The following TMEFF1 variants were observed in gnomAD, a reference collection of about 807,000 sequenced individuals.
TMEFF1 encodes the protein transmembrane protein with EGF like and two follistatin like domains 1.
A neutral mutation model predicts 47.5 loss-of-function variants in TMEFF1; 20 were observed. The ratio of observed to expected loss-of-function variants is 0.42; its 90% confidence interval spans 0.30 to 0.61. TMEFF1 has a LOEUF of 0.61. Among genes scored for constraint, TMEFF1 ranks in the 20% least tolerant of loss-of-function variants. TMEFF1 has a pLI of 0.19. For synonymous variants in TMEFF1, 162 were observed against 166.3 expected (o/e 0.97, Z 0.20); for missense variants, 411 against 471.1 (o/e 0.87, Z 1.18).
chr9:100,536,871 A>G (rs1258126590), intron 5 of TMEFF1, among the ~76,000 whole-genome samples: 1 of 152,142 alleles, frequency 6.6e-6, no homozygotes, highest in Non-Finnish European at 1.5e-5. Flanking sequence ...TAATGGATTC[A>G]TTTTTCTAGA....
intron 5 of TMEFF1, among the ~76,000 whole-genome samples, chr9:100,542,923 C>CT (rs34994276): frequency 0.034 from 3,572 of 104,482 alleles, 107 homozygotes; most frequent in South Asian, 0.05. Context: ...CTCTCTCTCT[C>CT]TTTTTTTTTT....
intron 7 of TMEFF1, among the ~76,000 whole-genome samples, chr9:100,554,009 A>T (rs986402982): frequency 1.3e-5 from 2 of 152,176 alleles, no homozygotes; most frequent in African/African-American, 4.8e-5. Flanking sequence ...AGATATGCTC[A>T]TACAGCCTAT....
intron 7 of TMEFF1, among the ~76,000 whole-genome samples, chr9:100,556,588 A>G (rs1443280717): frequency 6.6e-6 from 1 of 152,138 alleles, no homozygotes; most frequent in Non-Finnish European, 1.5e-5. Flanking sequence ...CATAAAGAAA[A>G]TCTGATGGTA....
At position 100,541,443 on chromosome 9, in the gene TMEFF1, G is replaced by C. The variant is rs534804241; in HGVS notation, c.561-6301G>C. Among the ~76,000 whole-genome samples, 152 of 134,222 alleles carry C rather than the reference G, an allele frequency of 1.1e-3. 2 individuals are homozygous for C. The South Asian group carries it at 0.012, about 11-fold the overall frequency. The allele number at this position is 134,222 out of a possible 152,430, so 88.1% of individuals were successfully genotyped here. A position where few individuals can be genotyped will look rare whatever the true frequency, so the allele number is the denominator to read the frequency against. On this transcript the variant is annotated intron_variant, in intron 5 of 9. Coordinates refer to ENST00000374879, the MANE Select transcript of TMEFF1 (RefSeq NM_003692.5). Reference sequence around the variant, plus strand: ...GGCTGGAGTGCAGTGGCGCTATCTTGGCTCACCACAACTTCTGCCTCCCAA... The same window carrying C: ...GGCTGGAGTGCAGTGGCGCTATCTTCGCTCACCACAACTTCTGCCTCCCAA...
chr9:100,542,769 T>C (rs993217551), intron 5 of TMEFF1, among the ~76,000 whole-genome samples: 2 of 152,196 alleles, frequency 1.3e-5, no homozygotes, highest in African/African-American at 2.4e-5. Context: ...TTGGGATTCA[T>C]TGGGCTTCTT....
intron 1 of TMEFF1, 140 bp from the exon 2 acceptor site, chr9:100,498,625 A>G (rs1837701366): frequency 4.7e-6 from 3 of 638,006 alleles, no homozygotes; most frequent in Non-Finnish European, 7.7e-6. Flanking sequence ...CTTTTTGTAT[A>G]GTTATGTCTT....
intron 5 of TMEFF1, among the ~76,000 whole-genome samples, chr9:100,517,166 A>G (rs1257467520): frequency 4.6e-5 from 7 of 152,124 alleles, no homozygotes; most frequent in African/African-American, 1.2e-4. Context: ...CTTTTTTAGA[A>G]CAGTAAGGCT....
intron 8 of TMEFF1, among the ~76,000 whole-genome samples, chr9:100,561,910 G>A (rs1051921962): frequency 6.6e-6 from 1 of 152,124 alleles, no homozygotes; most frequent in African/African-American, 2.4e-5. Flanking sequence ...AAAAATAAGG[G>A]GATGGGGACG....
intron 5 of TMEFF1, among the ~76,000 whole-genome samples, chr9:100,520,632 GAACATGTTT>G (rs1360068570): frequency 6.6e-6 from 1 of 152,124 alleles, no homozygotes; most frequent in African/African-American, 2.4e-5. Context: ...AGAATATACA[GAACATGTTT>G]AACATACTCT....
chr9:100,473,549 G>T lies in TMEFF1; in HGVS notation c.5G>T (p.Gly2Val), dbSNP rs1358646048. The T allele has an allele frequency of 3.3e-6, 5 of 1,518,482 alleles. No individual in the cohort carries two copies. In the South Asian group the frequency reaches 6.2e-5, roughly 19 times the overall value. The allele number at this position is 1,518,482 out of a possible 1,614,324, so 94.1% of individuals were successfully genotyped here. ...CGCCGTCCAGGGGCACCAGTCATGG[G>T]CGCCGCAGCCGCTGAGGCGCCGCTC... M[G>V]AAAAEAPLRL... Residue 2 changes from glycine (G) to valine (V), a missense_variant, in exon 1 of 10, where the codon GGC (glycine) becomes GTC (valine). Transcript: ENST00000374879. This position sits in a 1 kb window ranked among gnomAD's most constrained non-coding sequence, Gnocchi z 5.4.
Position 100,561,488 on chromosome 9 carries a change from A to G in TMEFF1, c.867A>G (p.Glu289=). The change falls in exon 8 of 10, where the codon GAA becomes GAG. Residue 289 remains glutamate (E), a synonymous_variant. Transcript: ENST00000374879. ...LNGYCIHGKC[E]FIYSTQKASC... is the part of the protein sequence containing the mutation. ...GTTACTGCATCCATGGAAAATGTGA[A>G]TTCATCTATTCTACTCAGAAGGCTT... 2 of 1,613,818 alleles carry G rather than the reference A, an allele frequency of 1.2e-6. No homozygotes were observed. The highest frequency in any genetic ancestry group is 1.7e-6 in the Non-Finnish European group (2 of 1,179,838).
At chr9:100,504,845 A>G (rs1384141308) in intron 2 of TMEFF1, among the ~76,000 whole-genome samples, 1 of 152,208 alleles carries the variant, frequency 6.6e-6, no homozygotes, top group African/African-American at 2.4e-5. Flanking sequence ...TCCTGGATAA[A>G]AAATGTGAAG....
chr9:100,526,535 A>G (rs1475910188), intron 5 of TMEFF1, among the ~76,000 whole-genome samples: 1 of 151,936 alleles, frequency 6.6e-6, no homozygotes, highest in East Asian at 1.9e-4. Flanking sequence ...TTTAATTTCC[A>G]GGAGCTCATT....
At position 100,473,347 on chromosome 9, in the gene TMEFF1, C is replaced by G. The variant is rs1837152924; in HGVS notation, c.-198C>G. The G allele has an allele frequency of 3.6e-6, 1 of 275,864 alleles. No individual in the cohort carries two copies. The allele number at this position is 275,864 out of a possible 1,614,324, so 17.1% of individuals were successfully genotyped here. On this transcript the variant is annotated 5_prime_UTR_variant, in exon 1 of 10. Coordinates refer to ENST00000374879, the MANE Select transcript of TMEFF1 (RefSeq NM_003692.5). This position sits in a 1 kb window ranked among gnomAD's most constrained non-coding sequence, Gnocchi z 5.4. ...CCCGCGACCCTCGCACGCGCCCGGACCCGCCGACTCCGTCCCGAGCGCCGC... is the reference window on the plus strand; with the variant it reads ...CCCGCGACCCTCGCACGCGCCCGGAGCCGCCGACTCCGTCCCGAGCGCCGC...
At chr9:100,526,964 A>AG (rs1564018243) in intron 5 of TMEFF1, among the ~76,000 whole-genome samples, 1 of 149,096 alleles carries the variant, frequency 6.7e-6, no homozygotes, top group African/African-American at 2.5e-5. Context: ...ACAAAAAAAA[A>AG]AAAAAAAAAA....
intron 5 of TMEFF1, among the ~76,000 whole-genome samples, chr9:100,532,193 T>C (rs1838396960): frequency 6.6e-6 from 1 of 151,810 alleles, no homozygotes; most frequent in African/African-American, 2.4e-5. Flanking sequence ...AAGGACTTCA[T>C]GTCTAAAACA....
intron 3 of TMEFF1, among the ~76,000 whole-genome samples, chr9:100,509,871 C>A (rs1242716274): frequency 1.3e-5 from 2 of 151,928 alleles, no homozygotes; most frequent in African/African-American, 4.8e-5. Flanking sequence ...ACCTGTTCAT[C>A]CCATGCTGTT....
At chr9:100,575,777 C>T (rs916573699) in intron 9 of TMEFF1, among the ~76,000 whole-genome samples, 2 of 151,840 alleles carry the variant, frequency 1.3e-5, no homozygotes, top group Non-Finnish European at 2.9e-5. Context: ...GCCCAGAATT[C>T]GTCTTAGCCC....
chr9:100,509,253 C>T (rs1180711949), intron 3 of TMEFF1, 119 bp downstream of exon 3: 12 of 1,303,654 alleles, frequency 9.2e-6, no homozygotes, highest in African/African-American at 3.1e-5. Context: ...GTGGTTGTTG[C>T]GGGGAGTAGG....
Sources: gnomAD v4.1 joint callset for allele counts (sites outside exome capture counted in the v4.1 genomes callset) on GRCh38, gnomAD v4.1.1 for gene constraint, Gnocchi (gnomAD v3.1) non-coding constraint, MANE v1.5 for transcripts, NCBI Gene and HGNC (gene_info 2026-07-23, HGNC 2026-07-21) for gene names.